Variants in BFSP1 observed in about 807,000 individuals in gnomAD.
The protein encoded by BFSP1 is beaded filament structural protein 1.
A neutral mutation model predicts 43.9 loss-of-function variants in BFSP1; 38 were observed. That is an observed-to-expected ratio of 0.87 (90% confidence interval 0.67 to 1.14). BFSP1 has a LOEUF of 1.14. Among genes scored for constraint, BFSP1 ranks in the 50% most tolerant of loss-of-function variants. BFSP1 has a pLI of 0.00. For missense variants in BFSP1, 850 were observed against 875.1 expected, an observed-to-expected ratio of 0.97 and a Z score of 0.36; for synonymous variants, 352 against 354.8, an observed-to-expected ratio of 0.99 and a Z score of 0.09.
At chr20:17,522,270 T>C (rs2034333782) in intron 2 of BFSP1, among the ~76,000 whole-genome samples, 1 of 152,160 alleles carries the variant, frequency 6.6e-6, no homozygotes, top group African/African-American at 2.4e-5. Context: ...TCTGAAGTCA[T>C]TTAACCTCAT....
At chr20:17,567,577 T>C (rs1034044642) in intron 1 of BFSP1, among the ~76,000 whole-genome samples, 6 of 152,036 alleles carry the variant, frequency 3.9e-5, no homozygotes, top group Non-Finnish European at 1.5e-5. Flanking sequence ...ATTTGAGAGG[T>C]GGCCGGGCGC....
chr20:17,496,976 C>T lies in BFSP1; in HGVS notation c.1004G>A (p.Ser335Asn). The T allele has an allele frequency of 6.5e-7, 1 of 1,545,354 alleles. No homozygotes were observed. The highest frequency in any genetic ancestry group is 8.7e-7 in the Non-Finnish European group (1 of 1,145,600). Residue 335 changes from serine (S) to asparagine (N), a missense_variant, in exon 7 of 8, where the codon AGC (serine) becomes AAC (asparagine). Transcript: ENST00000377873. ...TCCAGTGCTGAGAGAGACTCCATGGCTCTGGGTGAACAGGGGAATGGGAGT... is the reference window on the plus strand; with the variant it reads ...TCCAGTGCTGAGAGAGACTCCATGGTTCTGGGTGAACAGGGGAATGGGAGT... Reference protein sequence around the residue: ...IETPIPLFTQSHGVSLSTGSG... With the variant: ...IETPIPLFTQNHGVSLSTGSG...
chr20:17,551,373 T>A (rs533143632), intron 1 of BFSP1, among the ~76,000 whole-genome samples: 1 of 152,282 alleles, frequency 6.6e-6, no homozygotes, highest in South Asian at 2.1e-4. Context: ...GTTCACTCAC[T>A]GTCACAAAGA....
At chr20:17,527,716 A>G (rs2034451937) in intron 1 of BFSP1, among the ~76,000 whole-genome samples, 1 of 150,210 alleles carries the variant, frequency 6.7e-6, no homozygotes, top group African/African-American at 2.5e-5. Flanking sequence ...TGACAGAGCG[A>G]GACTCTGTAT....
chr20:17,529,771 T>A (rs1193284001), intron 1 of BFSP1, among the ~76,000 whole-genome samples: 1 of 151,308 alleles, frequency 6.6e-6, no homozygotes, highest in East Asian at 1.9e-4. Flanking sequence ...AGTGTACCTG[T>A]TGCAGTGAGT....
At chr20:17,518,810 A>G (rs2034257576) in intron 2 of BFSP1, among the ~76,000 whole-genome samples, 2 of 152,220 alleles carry the variant, frequency 1.3e-5, no homozygotes. Flanking sequence ...CCAGCTCTGA[A>G]TCAGTTCATC....
intron 2 of BFSP1, among the ~76,000 whole-genome samples, chr20:17,518,934 C>T (rs2034260914): frequency 6.6e-6 from 1 of 152,210 alleles, no homozygotes; most frequent in Admixed American, 6.5e-5. Flanking sequence ...TTCCCGGACG[C>T]ATCCCACTCC....
intron 2 of BFSP1, chr20:17,517,351 AAAAC>A (rs769736044): frequency 1.5e-4 from 151 of 988,102 alleles, no homozygotes; most frequent in South Asian, 2.2e-4. Context: ...CAAACAAAAC[AAAAC>A]AAACAAACAA....
chr20:17,519,006 A>T (rs1376888395), intron 2 of BFSP1, among the ~76,000 whole-genome samples: 2 of 152,312 alleles, frequency 1.3e-5, no homozygotes, highest in African/African-American at 4.8e-5. Context: ...CCACACCCTC[A>T]GAGAGGCTTG....
At chr20:17,526,451 A>G (rs898404154) in intron 1 of BFSP1, among the ~76,000 whole-genome samples, 27 of 152,106 alleles carry the variant, frequency 1.8e-4, no homozygotes, top group African/African-American at 6.0e-4. Flanking sequence ...GGCTTGTTTC[A>G]CTTAGCATAA....
At chr20:17,516,140 C>T (rs559359471) in intron 2 of BFSP1, among the ~76,000 whole-genome samples, 1 of 152,204 alleles carries the variant, frequency 6.6e-6, no homozygotes, top group Admixed American at 6.5e-5. Flanking sequence ...ACCAGCCTGA[C>T]CAACATGGAG....
At position 17,507,260 on chromosome 20, in the gene BFSP1, A is replaced by G. The variant is rs1421828523; in HGVS notation, c.735+1629T>C. Among the ~76,000 whole-genome samples the G allele has an allele frequency of 6.8e-6, 1 of 147,670 alleles. No individual in the cohort carries two copies. The highest frequency in any genetic ancestry group is 1.5e-5 in the Non-Finnish European group (1 of 67,732). ...ACATTTCTCATTGCGAGCCATACAC[A>G]TCAGATAGGTAGGTGTGTGTGTGTG... On this transcript the variant is annotated intron_variant, in intron 5 of 7. Transcript: ENST00000377873. This position sits in a 1 kb window ranked among gnomAD's most constrained non-coding sequence, Gnocchi z 4.4.
intron 7 of BFSP1, among the ~76,000 whole-genome samples, chr20:17,495,321 A>C (rs185628112): frequency 2.0e-5 from 3 of 152,154 alleles, no homozygotes; most frequent in Admixed American, 2.0e-4. Context: ...ACCAGGCAGA[A>C]CCTACCAAGG....
intron 3 of BFSP1, among the ~76,000 whole-genome samples, chr20:17,512,770 C>T (rs1377503609): frequency 6.6e-6 from 1 of 152,196 alleles, no homozygotes; most frequent in Non-Finnish European, 1.5e-5. Flanking sequence ...CCCTTTCCAA[C>T]ACCAGCAGTG....
intron 3 of BFSP1, among the ~76,000 whole-genome samples, chr20:17,512,415 A>G (rs1405554948): frequency 6.6e-6 from 1 of 152,036 alleles, no homozygotes; most frequent in Non-Finnish European, 1.5e-5. Flanking sequence ...CAAAAAAAAA[A>G]AGAGAAAAAA....
rs2034528033 is a variant in BFSP1 at position 17,531,164 on chromosome 20, G to C, written c.166C>G (p.Gln56Glu). 7.7e-7 allele frequency: 1 copy of C among 1,294,746 alleles called. No individual in the cohort carries two copies. Among genetic ancestry groups the C allele is most frequent in the African/African-American group, 1.6e-5 (1 of 64,370 alleles). 80.2% of individuals were successfully genotyped at this position (1,294,746 alleles called of 1,614,324 possible). The stretch of plus-strand genomic sequence containing the variant: ...CGCTGCTCGAGGGCGCGGGCCCGCT[G>C]GACGTGGGCGGCCACGCGCTCGCCG... ...GLGERVAAHV[Q>E]RARALEQRHA... The change falls in exon 1 of 8, where the codon CAG becomes GAG. Residue 56 changes from glutamine to glutamate, a missense_variant. Coordinates refer to ENST00000377873, the MANE Select transcript of BFSP1 (RefSeq NM_001195.5).
chr20:17,562,953 TAAGC>T (rs1351196471), upstream of BFSP1: 1 of 152,256 alleles, frequency 6.6e-6, no homozygotes, highest in African/African-American at 2.4e-5. Flanking sequence ...TCTGTGGTGT[TAAGC>T]AAGCAACAAG....
chr20:17,496,293 T>C (rs1483137675), intron 7 of BFSP1, among the ~76,000 whole-genome samples: 4 of 152,254 alleles, frequency 2.6e-5, no homozygotes, highest in Non-Finnish European at 5.9e-5. Flanking sequence ...CAAGGCCCTA[T>C]ATGCATGAGC....
In BFSP1 at chr20:17,513,568, G is replaced by A. The variant is rs1487006434; in HGVS notation, c.534+1153C>T. Among the ~76,000 whole-genome samples the A allele has an allele frequency of 2.6e-5, 4 of 152,214 alleles. No individual in the cohort carries two copies. The South Asian group carries it at 6.2e-4, about 24-fold the overall frequency. Reference sequence around the variant, plus strand: ...GAAAGTTGGAGGGACCCTGATTGGAGCAGACAGGCCTGGTGTACTGATGCA... The same window carrying A: ...GAAAGTTGGAGGGACCCTGATTGGAACAGACAGGCCTGGTGTACTGATGCA... On this transcript the variant is annotated intron_variant, in intron 3 of 7. Coordinates refer to ENST00000377873, the MANE Select transcript of BFSP1 (RefSeq NM_001195.5).
Sources: gnomAD v4.1 joint callset for allele counts (sites outside exome capture counted in the v4.1 genomes callset) on GRCh38, gnomAD v4.1.1 for gene constraint, Gnocchi (gnomAD v3.1) non-coding constraint, MANE v1.5 for transcripts, NCBI Gene and HGNC (gene_info 2026-07-23, HGNC 2026-07-21) for gene names.